The following CUX1 variants were observed in gnomAD, a reference collection of about 807,000 sequenced individuals.
The protein encoded by CUX1 is protein CASP.
In CUX1, 31 loss-of-function variants were observed where a neutral mutation model predicts 158.8. The observed-to-expected ratio is 0.20, with a 90% CI of 0.15 to 0.26. The LOEUF is 0.26. Ranked by LOEUF, CUX1 falls within the 10% of genes least tolerant of loss-of-function variation. The probability of loss-of-function intolerance (pLI) is 1.00; values close to 1 mark genes in which losing one functional copy is unlikely to be tolerated. For synonymous variants in CUX1, 879 were observed against 862.1 expected (o/e 1.02, Z -0.34); for missense variants, 1,589 against 2,014.6 (o/e 0.79, Z 4.04).
At chr7:102,187,869 C>T (rs949656135) in intron 11 of CUX1, among the ~76,000 whole-genome samples, 1 of 152,026 alleles carries the variant, frequency 6.6e-6, no homozygotes, top group Non-Finnish European at 1.5e-5. Context: ...TCCCCAAAGT[C>T]TAGAATGTTC....
chr7:101,908,807 A>G (rs1803058257), intron 1 of CUX1, among the ~76,000 whole-genome samples: 1 of 152,180 alleles, frequency 6.6e-6, no homozygotes, highest in Non-Finnish European at 1.5e-5. Flanking sequence ...AGTACACAAA[A>G]TGAACTGTGA....
At chr7:102,195,412 G>A (rs1255043411) in intron 13 of CUX1, 95 bp from the exon 14 acceptor site, 10 of 963,320 alleles carry the variant, frequency 1.0e-5, no homozygotes, top group African/African-American at 1.6e-5. Flanking sequence ...GTGGGAACGC[G>A]GACAGATGGA....
At chr7:102,247,415 G>A (rs1284699984) in intron 23 of CUX1, among the ~76,000 whole-genome samples, 1 of 152,188 alleles carries the variant, frequency 6.6e-6, no homozygotes, top group African/African-American at 2.4e-5. Flanking sequence ...CCCAGCCTTC[G>A]TTACTGCACA....
chr7:102,059,993 G>A (rs1420906123), intron 3 of CUX1, among the ~76,000 whole-genome samples: 1 of 151,924 alleles, frequency 6.6e-6, no homozygotes, highest in African/African-American at 2.4e-5. Context: ...TGTTGCTTAG[G>A]GGCCAGGCGC....
intron 4 of CUX1, among the ~76,000 whole-genome samples, chr7:102,092,882 C>G (rs1252921896): frequency 1.4e-5 from 2 of 145,496 alleles, no homozygotes; most frequent in African/African-American, 5.2e-5. Context: ...CACTGCACTC[C>G]CGTCTGGGTG....
intron 2 of CUX1, among the ~76,000 whole-genome samples, chr7:102,002,144 T>A (rs984642457): frequency 2.9e-4 from 44 of 151,956 alleles, no homozygotes; most frequent in African/African-American, 1.0e-3. Flanking sequence ...AAATATATAT[T>A]TTTTAAAAAG....
At chr7:101,902,211 A>G (rs1040960633) in intron 1 of CUX1, among the ~76,000 whole-genome samples, 1 of 152,162 alleles carries the variant, frequency 6.6e-6, no homozygotes, top group Admixed American at 6.5e-5. Flanking sequence ...CTGGATTCAA[A>G]TCCAGGCCCT....
intron 2 of CUX1, among the ~76,000 whole-genome samples, chr7:102,014,646 G>A (rs1421224792): frequency 6.6e-6 from 1 of 152,038 alleles, no homozygotes; most frequent in Non-Finnish European, 1.5e-5. Context: ...TTTCTCCTTC[G>A]CCTGCTAGGT....
chr7:101,959,895 C>CA (rs1300871119), intron 2 of CUX1, among the ~76,000 whole-genome samples: 1 of 152,048 alleles, frequency 6.6e-6, no homozygotes, highest in Non-Finnish European at 1.5e-5. Context: ...GGTAATAACT[C>CA]GATTAATTTT....
chr7:102,004,826 G>A (rs1356588069), intron 2 of CUX1, among the ~76,000 whole-genome samples: 1 of 152,116 alleles, frequency 6.6e-6, no homozygotes, highest in African/African-American at 2.4e-5. Flanking sequence ...ATTGATCAGG[G>A]GTCCACACGC....
At chr7:102,244,827 C>G (rs1800631478) in intron 23 of CUX1, among the ~76,000 whole-genome samples, 1 of 152,174 alleles carries the variant, frequency 6.6e-6, no homozygotes, top group Non-Finnish European at 1.5e-5. Flanking sequence ...TCTGAACCCT[C>G]GCAGCCACGG....
At chr7:102,239,707 A>T in intron 23 of CUX1, 123 bp downstream of exon 23, 1 of 1,100,596 alleles carries the variant, frequency 9.1e-7, no homozygotes, top group Non-Finnish European at 1.3e-6. Context: ...GAGCTCGGTG[A>T]TTGGTCCGTT....
intron 8 of CUX1, among the ~76,000 whole-genome samples, chr7:102,157,637 G>A (rs1262025479): frequency 1.3e-5 from 2 of 152,072 alleles, no homozygotes; most frequent in Non-Finnish European, 2.9e-5. Context: ...AAAATTAGCC[G>A]GGCGTGGTGG....
chr7:101,928,011 G>A (rs1342839313), intron 2 of CUX1, among the ~76,000 whole-genome samples: 2 of 152,162 alleles, frequency 1.3e-5, no homozygotes. Context: ...TCCTTCCTGA[G>A]AGCCATGTGT....
intron 2 of CUX1, among the ~76,000 whole-genome samples, chr7:101,982,153 T>C (rs1230710653): frequency 6.6e-6 from 1 of 152,248 alleles, no homozygotes; most frequent in Non-Finnish European, 1.5e-5. Flanking sequence ...GACTCAGCCC[T>C]GACCAATAAC....
In CUX1 at chr7:102,248,766, C is replaced by G; in HGVS notation, c.4242C>G (p.Pro1414=). 1 of 1,036,446 alleles carries G rather than the reference C, an allele frequency of 9.6e-7. No individual in the cohort carries two copies. Among genetic ancestry groups the G allele is most frequent in the Non-Finnish European group, 1.2e-6 (1 of 862,658 alleles). 64.2% of individuals were successfully genotyped at this position (1,036,446 alleles called of 1,614,324 possible). A position where few individuals can be genotyped will look rare whatever the true frequency, so the allele number is the denominator to read the frequency against. ...SPASATATAA[P]AAPEDAATSA... ...CCTCCGCGACCGCCACCGCCGCGCC[C>G]GCGGCCCCCGAGGACGCCGCTACCT... is the stretch of plus-strand genomic sequence containing the variant. Residue 1414 remains proline (P), a synonymous_variant, in exon 24 of 24, where the codon CCC becomes CCG. Transcript: ENST00000292535. This position sits in a 1 kb window ranked among gnomAD's most constrained non-coding sequence, Gnocchi z 5.8.
intron 1 of CUX1, among the ~76,000 whole-genome samples, chr7:101,823,624 T>C (rs1792930468): frequency 6.6e-6 from 1 of 152,212 alleles, no homozygotes; most frequent in African/African-American, 2.4e-5. Context: ...GGGGTTACTT[T>C]GAGTGGATGC....
chr7:102,110,839 A>G (rs1453709022), intron 6 of CUX1, among the ~76,000 whole-genome samples: 2 of 152,328 alleles, frequency 1.3e-5, no homozygotes, highest in South Asian at 2.1e-4. Flanking sequence ...AAAAATACAA[A>G]TGAACTCCAT....
intron 3 of CUX1, among the ~76,000 whole-genome samples, chr7:102,039,875 A>C (rs1226547740): frequency 6.6e-6 from 1 of 152,076 alleles, no homozygotes; most frequent in African/African-American, 2.4e-5. Flanking sequence ...TGTGAATTTC[A>C]TCACAGTATC....
Sources: allele counts gnomAD v4.1 joint callset (sites outside exome capture counted in the v4.1 genomes callset), GRCh38; gene constraint gnomAD v4.1.1; non-coding constraint Gnocchi (gnomAD v3.1); transcripts MANE v1.5; gene names NCBI Gene and HGNC (gene_info 2026-07-23, HGNC 2026-07-21).